The following CC2D2A variants were observed in gnomAD, a reference collection of about 807,000 sequenced individuals.
CC2D2A encodes coiled-coil and C2 domain-containing protein 2A.
CC2D2A carries 155 observed loss-of-function variants against 212.9 expected under a neutral mutation model. That is an observed-to-expected ratio of 0.73 (90% confidence interval 0.64 to 0.83). CC2D2A has a LOEUF of 0.83. Among genes scored for constraint, CC2D2A ranks in the 40% least tolerant of loss-of-function variants. The pLI is 0.00. For synonymous variants in CC2D2A, 667 were observed against 686.5 expected, an observed-to-expected ratio of 0.97 and a Z score of 0.44; for missense variants, 1,856 against 1,956.2, an observed-to-expected ratio of 0.95 and a Z score of 0.97.
chr4:15,516,826 G>A, intron 11 of CC2D2A, 70 bp downstream of exon 11: 1 of 1,470,480 alleles, frequency 6.8e-7, no homozygotes, highest in Non-Finnish European at 9.2e-7. Flanking sequence ...ATAGCTTGGG[G>A]TGCTATATTT....
intron 1 of CC2D2A, 78 bp from the exon 2 acceptor site, chr4:15,475,837 C>A: frequency 1.7e-6 from 2 of 1,143,624 alleles, no homozygotes; most frequent in Non-Finnish European, 2.6e-6. Context: ...TCATGGCCAG[C>A]CTCTTACATA....
In CC2D2A at chr4:15,580,028, G is replaced by A. The variant is rs1434535802; in HGVS notation, c.3832G>A (p.Ala1278Thr). The change falls in exon 30 of 37, where the codon GCC becomes ACC. Residue 1278 changes from alanine (A) to threonine (T), a missense_variant. By Grantham distance (58) the Ala-to-Thr change is moderately conservative. This residue lies in a region of CC2D2A where 1,512 missense variants were observed against 1,579.3 expected (regional missense o/e 0.96). Transcript: ENST00000424120. ...AACTGAGAAGTTTCAAGCTGAATGT[G>A]CCTTAAAGTTTCCAAATCGTCAGTG... The part of the protein sequence containing the change: ...QATEKFQAEC[A>T]LKFPNRQCLT... 1.9e-6 allele frequency: 3 copies of A among 1,613,830 alleles called. No homozygotes were observed. The highest frequency in any genetic ancestry group is 1.7e-6 in the Non-Finnish European group (2 of 1,179,886).
intron 8 of CC2D2A, among the ~76,000 whole-genome samples, chr4:15,512,479 C>G (rs904872121): frequency 6.6e-6 from 1 of 152,126 alleles, no homozygotes; most frequent in African/African-American, 2.4e-5. Context: ...TGTGATTTCA[C>G]TTATATGAGC....
At chr4:15,490,263 A>T (rs1229230939) in intron 4 of CC2D2A, among the ~76,000 whole-genome samples, 1 of 152,218 alleles carries the variant, frequency 6.6e-6, no homozygotes, top group Non-Finnish European at 1.5e-5. Context: ...GAACATTTTT[A>T]TCACCACAAA....
chr4:15,475,187 T>A (rs188838966), intron 1 of CC2D2A, among the ~76,000 whole-genome samples: 17 of 152,190 alleles, frequency 1.1e-4, no homozygotes, highest in Admixed American at 9.2e-4. Flanking sequence ...TGCAGAAGAA[T>A]CCCTTGAACC....
intron 4 of CC2D2A, among the ~76,000 whole-genome samples, chr4:15,497,517 T>G (rs1715686957): frequency 6.6e-6 from 1 of 152,218 alleles, no homozygotes; most frequent in African/African-American, 2.4e-5. Context: ...CCTTGCATAT[T>G]TTTAAGTTGA....
intron 17 of CC2D2A, among the ~76,000 whole-genome samples, chr4:15,541,432 G>A (rs988541195): frequency 1.1e-4 from 16 of 152,092 alleles, no homozygotes; most frequent in African/African-American, 2.4e-4. Flanking sequence ...AATATGTCTC[G>A]ATAGAGTCTC....
intron 4 of CC2D2A, among the ~76,000 whole-genome samples, chr4:15,495,082 C>A (rs1394731635): frequency 6.6e-6 from 1 of 152,140 alleles, no homozygotes; most frequent in Non-Finnish European, 1.5e-5. Context: ...CCACCCTCCA[C>A]CCTCAAATAC....
At chr4:15,492,763 C>A in intron 4 of CC2D2A, 1 of 781,522 alleles carries the variant, frequency 1.3e-6, no homozygotes, top group East Asian at 3.1e-5. Context: ...GTCCACCACT[C>A]TATTGCTATA....
chr4:15,559,079 C>T (rs1187440358), intron 21 of CC2D2A, 86 bp from the exon 22 acceptor site: 10 of 843,632 alleles, frequency 1.2e-5, no homozygotes, highest in Admixed American at 3.0e-5. Flanking sequence ...CAAGTTATAA[C>T]TTAAATCATA....
intron 6 of CC2D2A, among the ~76,000 whole-genome samples, chr4:15,506,402 G>A (rs1577332683): frequency 1.3e-5 from 2 of 152,194 alleles, no homozygotes; most frequent in East Asian, 3.9e-4. Flanking sequence ...CCAATGGAAA[G>A]AAACAAAAAT....
intron 11 of CC2D2A, among the ~76,000 whole-genome samples, chr4:15,517,836 G>A (rs1221250693): frequency 6.6e-6 from 1 of 152,184 alleles, no homozygotes; most frequent in Non-Finnish European, 1.5e-5. Context: ...TCACAATCAT[G>A]GCAAAAGGCA....
intron 28 of CC2D2A, 128 bp downstream of exon 28, chr4:15,570,624 G>GC: frequency 1.7e-6 from 1 of 574,608 alleles, no homozygotes; most frequent in Non-Finnish European, 3.2e-6. Context: ...GGAGGCCAAG[G>GC]AGGGCACATC....
At chr4:15,540,713 G>A in intron 16 of CC2D2A, 124 bp from the exon 17 acceptor site, 1 of 847,434 alleles carries the variant, frequency 1.2e-6, no homozygotes, top group South Asian at 1.8e-5. Context: ...GTTAAATGAG[G>A]GCTGACATGA....
chr4:15,504,686 A>C (rs1220252496), intron 6 of CC2D2A, among the ~76,000 whole-genome samples: 2 of 152,226 alleles, frequency 1.3e-5, no homozygotes, highest in African/African-American at 4.8e-5. Flanking sequence ...TTTATTTCTC[A>C]TTGTAATCAG....
intron 1 of CC2D2A, 82 bp from the exon 2 acceptor site, chr4:15,475,833 C>T (rs1264756953): frequency 8.8e-7 from 1 of 1,134,594 alleles, no homozygotes; most frequent in Non-Finnish European, 1.3e-6. Flanking sequence ...ACCATCATGG[C>T]CAGCCTCTTA....
intron 11 of CC2D2A, 54 bp from the exon 12 acceptor site, chr4:15,527,393 T>C: frequency 7.6e-7 from 1 of 1,318,580 alleles, no homozygotes; most frequent in Non-Finnish European, 1.1e-6. Context: ...TAGAGAATCA[T>C]TATCTAGTAA....
chr4:15,554,181 A>G (rs1719151408), intron 19 of CC2D2A, among the ~76,000 whole-genome samples: 1 of 152,246 alleles, frequency 6.6e-6, no homozygotes, highest in Non-Finnish European at 1.5e-5. Flanking sequence ...AGAAGTCTGC[A>G]TTCATTTCAC....
At chr4:15,511,626 C>T (rs1434162523) in intron 8 of CC2D2A, 6 of 393,618 alleles carry the variant, frequency 1.5e-5, no homozygotes, top group Non-Finnish European at 2.2e-5. Context: ...GTAGGAAGAA[C>T]CTTGATTAAA....
Sources: allele counts gnomAD v4.1 joint callset (sites outside exome capture counted in the v4.1 genomes callset), GRCh38; gene constraint gnomAD v4.1.1; regional missense constraint gnomAD v4.1.1; transcripts MANE v1.5; gene names NCBI Gene and HGNC (gene_info 2026-07-23, HGNC 2026-07-21).